The following NOL4 variants were observed in gnomAD, a reference collection of about 807,000 sequenced individuals.
NOL4 encodes the protein nucleolar protein 4, also known as cancer/testis antigen 125.
A neutral mutation model predicts 75.9 loss-of-function variants in NOL4; 17 were observed. The ratio of observed to expected loss-of-function variants is 0.22; its 90% CI spans 0.15 to 0.34. The LOEUF is 0.34. Ranked by LOEUF, NOL4 falls within the 10% of genes least tolerant of loss-of-function variation. The probability of loss-of-function intolerance (pLI) is 1.00; values close to 1 mark genes in which losing one functional copy is unlikely to be tolerated. For synonymous variants in NOL4, 292 were observed against 289.9 expected (o/e 1.01, Z -0.07); for missense variants, 614 against 793.5 (o/e 0.77, Z 2.72).
At chr18:34,042,805 CCTTT>C (rs1454715144) in intron 5 of NOL4, among the ~76,000 whole-genome samples, 1 of 152,044 alleles carries the variant, frequency 6.6e-6, no homozygotes, top group Non-Finnish European at 1.5e-5. Flanking sequence ...CTCACATTCT[CCTTT>C]CTGTCAGTAC....
chr18:34,025,979 C>T (rs1450838672), intron 5 of NOL4, among the ~76,000 whole-genome samples: 1 of 152,150 alleles, frequency 6.6e-6, no homozygotes, highest in Non-Finnish European at 1.5e-5. Context: ...ATTGATGTAG[C>T]TGAATTTCTT....
chr18:33,873,948 T>C (rs945442489), intron 10 of NOL4, among the ~76,000 whole-genome samples: 8 of 151,904 alleles, frequency 5.3e-5, no homozygotes, highest in Non-Finnish European at 1.0e-4. Flanking sequence ...ATGAGTCAGA[T>C]GCAAGGGAGG....
chr18:34,045,415 A>G (rs1447772758), intron 5 of NOL4, among the ~76,000 whole-genome samples: 1 of 152,138 alleles, frequency 6.6e-6, no homozygotes. Flanking sequence ...AAGAATAAAT[A>G]TATCTTAACA....
chr18:34,027,182 A>G (rs1277466454), intron 5 of NOL4, among the ~76,000 whole-genome samples: 1 of 152,184 alleles, frequency 6.6e-6, no homozygotes, highest in African/African-American at 2.4e-5. Context: ...GCAGCAAAGA[A>G]CAGAGAGGAG....
Position 33,958,385 on chromosome 18 carries a change from CAG to C in NOL4, c.1088_1089del (p.Ser363TrpfsTer4), listed in dbSNP as rs768628680. 3 of 1,613,298 alleles carry C rather than the reference CAG, an allele frequency of 1.9e-6. No homozygotes were observed. The highest frequency in any genetic ancestry group is 2.5e-6 in the Non-Finnish European group (3 of 1,179,478). ...SPAHSYSSYD[S>X]GKNESVDRGA... ...CCTCGGTCTACACTCTCATTTTTGC[CAG>C]AGTCATAGCTGGAGTAACTATGTGC... is the stretch of plus-strand genomic sequence containing the variant. On this transcript the variant is annotated frameshift_variant, in exon 7 of 11. Transcript: ENST00000261592. LOFTEE classifies it high-confidence loss of function.
chr18:34,182,577 C>T (rs988461555), intron 1 of NOL4, among the ~76,000 whole-genome samples: 6 of 151,650 alleles, frequency 4.0e-5, no homozygotes, highest in Admixed American at 4.0e-4. Context: ...TAATAAAAAT[C>T]AATACACTGA....
intron 6 of NOL4, among the ~76,000 whole-genome samples, chr18:34,018,669 A>G (rs1365962751): frequency 6.6e-6 from 1 of 152,190 alleles, no homozygotes; most frequent in African/African-American, 2.4e-5. Context: ...TAATTAAAAA[A>G]AAGTCAGCTG....
At chr18:34,144,470 G>GA (rs1053106307) in intron 1 of NOL4, among the ~76,000 whole-genome samples, 4 of 152,062 alleles carry the variant, frequency 2.6e-5, no homozygotes, top group African/African-American at 9.7e-5. Context: ...AGGGTGCTAT[G>GA]AAAAACATAG....
intron 4 of NOL4, among the ~76,000 whole-genome samples, chr18:34,094,045 A>C (rs966667475): frequency 6.6e-6 from 1 of 151,900 alleles, no homozygotes; most frequent in African/African-American, 2.4e-5. Flanking sequence ...CGTCTCAAAA[A>C]AACAAACAAA....
At chr18:34,215,621 C>T (rs765595973) in intron 1 of NOL4, among the ~76,000 whole-genome samples, 13 of 151,888 alleles carry the variant, frequency 8.6e-5, no homozygotes, top group African/African-American at 1.5e-4. Flanking sequence ...TGTGTCAGCT[C>T]GGAGGACCTC....
intron 9 of NOL4, among the ~76,000 whole-genome samples, chr18:33,919,539 G>A (rs1318152360): frequency 6.6e-6 from 1 of 152,150 alleles, no homozygotes; most frequent in Non-Finnish European, 1.5e-5. Flanking sequence ...CATATTTAGA[G>A]GAAAACAATG....
chr18:34,011,407 T>C (rs116258042), intron 6 of NOL4, among the ~76,000 whole-genome samples: 3,040 of 151,848 alleles, frequency 0.02, 100 homozygotes, highest in African/African-American at 0.07. Flanking sequence ...TCTTTTATTC[T>C]TTCTCCAAAT....
chr18:34,156,074 A>T (rs2030334360), intron 1 of NOL4, among the ~76,000 whole-genome samples: 1 of 152,170 alleles, frequency 6.6e-6, no homozygotes, highest in South Asian at 2.1e-4. Context: ...TCCATGCCAG[A>T]CATGATGCCT....
intron 9 of NOL4, among the ~76,000 whole-genome samples, chr18:33,925,684 A>G (rs2067281439): frequency 6.6e-6 from 1 of 152,216 alleles, no homozygotes; most frequent in Admixed American, 6.5e-5. Flanking sequence ...ATTTTTCAGA[A>G]CATTACCCTG....
chr18:34,191,902 A>T (rs1221695942), intron 1 of NOL4, among the ~76,000 whole-genome samples: 2 of 152,112 alleles, frequency 1.3e-5, no homozygotes, highest in African/African-American at 4.8e-5. Flanking sequence ...CATGGTTAAA[A>T]ATTCCTCTAC....
intron 5 of NOL4, among the ~76,000 whole-genome samples, chr18:34,084,889 G>T (rs1409565200): frequency 6.6e-6 from 1 of 152,172 alleles, no homozygotes; most frequent in African/African-American, 2.4e-5. Flanking sequence ...CACTGAAATT[G>T]CTTTGCCTAA....
chr18:34,219,011 C>T (rs1259391932), intron 1 of NOL4, among the ~76,000 whole-genome samples: 1 of 152,184 alleles, frequency 6.6e-6, no homozygotes, highest in Non-Finnish European at 1.5e-5. Context: ...GTTTATGAGT[C>T]AGTCCATGAA....
intron 5 of NOL4, among the ~76,000 whole-genome samples, chr18:34,050,883 G>A (rs973711473): frequency 2.0e-5 from 3 of 151,936 alleles, no homozygotes; most frequent in Admixed American, 6.6e-5. Flanking sequence ...GAACAAATGC[G>A]GAGTTGAGAA....
chr18:33,975,201 A>G (rs2145916181), intron 6 of NOL4, among the ~76,000 whole-genome samples: 1 of 152,338 alleles, frequency 6.6e-6, no homozygotes, highest in South Asian at 2.1e-4. Flanking sequence ...TAATGGGTAT[A>G]GTGTTTCCAT....
Sources: gnomAD v4.1 joint callset for allele counts (sites outside exome capture counted in the v4.1 genomes callset) on GRCh38, gnomAD v4.1.1 for gene constraint, MANE v1.5 for transcripts, NCBI Gene and HGNC (gene_info 2026-07-23, HGNC 2026-07-21) for gene names.